The following YIPF6 variants were observed in gnomAD, a reference collection of about 807,000 sequenced individuals.
The protein encoded by YIPF6 is protein YIPF6.
Under a neutral mutation model 16.8 loss-of-function variants are expected in YIPF6, and 3 were observed. That is an observed-to-expected ratio of 0.18 (90% CI 0.08 to 0.46). The LOEUF is 0.46. Among genes scored for constraint, YIPF6 ranks in the 20% least tolerant of loss-of-function variants. The pLI, the probability that YIPF6 is intolerant of heterozygous loss-of-function variation, is 0.98. For missense variants in YIPF6, 145 were observed against 184.9 expected (o/e 0.78, Z 1.25); for synonymous variants, 67 against 61.9 (o/e 1.08, Z -0.38).
intron 6 of YIPF6, among the ~76,000 whole-genome samples, chrX:68,524,839 A>T (rs938858812): frequency 3.6e-5 from 4 of 111,310 alleles, no homozygotes; most frequent in Non-Finnish European, 7.5e-5. Context: ...AAAGGATATG[A>T]ACTCAACCTT....
In YIPF6 at chrX:68,521,413, G is replaced by A. The variant is rs775252896; in HGVS notation, c.350G>A (p.Gly117Glu). 10 of 1,208,672 alleles carry A rather than the reference G, an allele frequency of 8.3e-6. No individual in the cohort carries two copies. The South Asian group carries it at 1.6e-4, about 19-fold the overall frequency. Residue 117 changes from glycine (G) to glutamate (E), a missense_variant, in exon 5 of 7, where the codon GGG (glycine) becomes GAG (glutamate). By Grantham distance (98) the Gly-to-Glu change is moderately conservative. Transcript: ENST00000462683. ...RDSADSEKDG[G>E]PQFAEVFVIV... The stretch of plus-strand genomic sequence containing the variant: ...TCTGCAGATAGTGAAAAAGATGGAG[G>A]GCCCCAATTTGCAGAGGTGTTTGTC...
chrX:68,523,011 A>G, intron 6 of YIPF6, 94 bp downstream of exon 6: 1 of 1,020,390 alleles, frequency 9.8e-7, no homozygotes, highest in Non-Finnish European at 1.4e-6. Context: ...CCAAAGTTAG[A>G]TGTGAGTGAT....
In YIPF6 at chrX:68,536,689, G is replaced by T. The variant is rs1181264787; in HGVS notation, c.*4690G>T. ...TTTGTTTTCAGAGTAATGGAACACT[G>T]TATCAGCAGCATCTGAGAACATAAG... On this transcript the variant is annotated 3_prime_UTR_variant, in exon 7 of 7. Transcript: ENST00000462683. 1 of 111,817 alleles carries T rather than the reference G, an allele frequency of 8.9e-6. No homozygotes were observed. The highest frequency in any genetic ancestry group is 9.5e-5 in the Admixed American group (1 of 10,488). The allele number at this position is 111,817 out of a possible 1,213,427, so 9.2% of individuals were successfully genotyped here.
intron 6 of YIPF6, among the ~76,000 whole-genome samples, chrX:68,528,778 A>T (rs1412651108): frequency 9.0e-6 from 1 of 111,723 alleles, no homozygotes; most frequent in African/African-American, 3.3e-5. Flanking sequence ...TGGGTTGAGA[A>T]TTCTTTTCTT....
intron 6 of YIPF6, among the ~76,000 whole-genome samples, chrX:68,529,821 G>A (rs912538920): frequency 8.9e-6 from 1 of 111,861 alleles, no homozygotes; most frequent in African/African-American, 3.2e-5. Flanking sequence ...GAACAGCCAA[G>A]ATTGCTGCCT....
intron 1 of YIPF6, among the ~76,000 whole-genome samples, chrX:68,502,642 C>T (rs2147816842): frequency 9.0e-6 from 1 of 111,100 alleles, no homozygotes; most frequent in East Asian, 2.8e-4. Flanking sequence ...ACTGGCAGGC[C>T]ATTCAATAGA....
chrX:68,512,435 G>A (rs2079084880), intron 2 of YIPF6, among the ~76,000 whole-genome samples: 1 of 110,242 alleles, frequency 9.1e-6, no homozygotes, highest in African/African-American at 3.4e-5. Flanking sequence ...CTGGGCGACA[G>A]AGCAAGACTC....
chrX:68,526,113 A>G (rs1329103666), intron 6 of YIPF6, among the ~76,000 whole-genome samples: 4 of 111,994 alleles, frequency 3.6e-5, no homozygotes, highest in East Asian at 5.6e-4. Context: ...CTTCCTATCC[A>G]TCAGCATGGA....
intron 1 of YIPF6, among the ~76,000 whole-genome samples, chrX:68,508,143 C>G (rs2079067105): frequency 9.6e-6 from 1 of 104,488 alleles, no homozygotes; most frequent in African/African-American, 3.5e-5. Flanking sequence ...GACAGAGTCT[C>G]ACTCTGGAGT....
At position 68,526,242 on chromosome X, in the gene YIPF6, T is replaced by A. The variant is rs1020672831; in HGVS notation, c.592+3325T>A. ...ATTCCTAGGTATTTTATTCTCTTTG[T>A]AGCAATTGTGAATGGGAGTTCACTC... On this transcript the variant is annotated intron_variant, in intron 6 of 6. Transcript: ENST00000462683. 1.8e-5 allele frequency among the ~76,000 whole-genome samples: 2 copies of A among 111,475 alleles called. 1 individual carries two copies.
chrX:68,531,267 G>C (rs2079170301), intron 6 of YIPF6, among the ~76,000 whole-genome samples: 1 of 110,755 alleles, frequency 9.0e-6, no homozygotes, highest in Non-Finnish European at 1.9e-5. Flanking sequence ...TGGGATTACA[G>C]GTGCCCGCCA....
intron 3 of YIPF6, among the ~76,000 whole-genome samples, chrX:68,516,252 G>A (rs1318315166): frequency 3.6e-5 from 4 of 111,905 alleles, no homozygotes; most frequent in Non-Finnish European, 5.6e-5. Flanking sequence ...TAGTAAACAC[G>A]TAAACCACAG....
intron 1 of YIPF6, among the ~76,000 whole-genome samples, chrX:68,504,624 C>T (rs2079053087): frequency 8.9e-6 from 1 of 112,352 alleles, no homozygotes; most frequent in Non-Finnish European, 1.9e-5. Flanking sequence ...CTTTATTATA[C>T]AGTAGTGACA....
intron 3 of YIPF6, among the ~76,000 whole-genome samples, chrX:68,518,154 C>T (rs753114655): frequency 3.7e-5 from 4 of 108,006 alleles, no homozygotes; most frequent in African/African-American, 1.4e-4. Flanking sequence ...TGCCTGTAAT[C>T]CCAGCTACTC....
chrX:68,526,024 A>T (rs2079146342), intron 6 of YIPF6, among the ~76,000 whole-genome samples: 1 of 112,105 alleles, frequency 8.9e-6, no homozygotes, highest in South Asian at 3.7e-4. Flanking sequence ...CTGTGAAGAA[A>T]GTCAATGGTA....
intron 3 of YIPF6, chrX:68,513,846 C>T: frequency 9.0e-6 from 1 of 110,522 alleles, no homozygotes; most frequent in Non-Finnish European, 1.9e-5. Flanking sequence ...ACCTCGGCCT[C>T]CCAAAGTGCT....
At chrX:68,522,064 C>CT (rs1218928448) in intron 5 of YIPF6, among the ~76,000 whole-genome samples, 1 of 110,909 alleles carries the variant, frequency 9.0e-6, no homozygotes, top group Non-Finnish European at 1.9e-5. Context: ...CATAGGCAGA[C>CT]TTTTTTGTGT....
chrX:68,530,366 G>A (rs2079166223), intron 6 of YIPF6, among the ~76,000 whole-genome samples: 1 of 111,495 alleles, frequency 9.0e-6, no homozygotes, highest in South Asian at 3.8e-4. Flanking sequence ...TGCTGGCAGT[G>A]AGAATTTCAA....
intron 5 of YIPF6, among the ~76,000 whole-genome samples, chrX:68,522,303 AT>A (rs779420657): frequency 1.2e-3 from 125 of 101,659 alleles, no homozygotes; most frequent in Middle Eastern, 4.9e-3. Context: ...CATGTACTTA[AT>A]TTTTTTTTTT....
Sources: gnomAD v4.1 joint callset for allele counts (sites outside exome capture counted in the v4.1 genomes callset) on GRCh38, gnomAD v4.1.1 for gene constraint, MANE v1.5 for transcripts, NCBI Gene and HGNC (gene_info 2026-07-23, HGNC 2026-07-21) for gene names.